Variants in VPS13B observed in about 807,000 individuals in gnomAD.
The protein encoded by VPS13B is vacuolar protein sorting 13 homolog B.
In VPS13B, 285 loss-of-function variants were observed where a neutral mutation model predicts 426.4. That is an observed-to-expected ratio of 0.67 (90% confidence interval 0.61 to 0.74). The LOEUF (loss-of-function observed/expected upper bound fraction) is 0.74, where lower values mean the gene tolerates loss of function less well. Ranked by LOEUF, VPS13B falls within the 30% of genes least tolerant of loss-of-function variation. VPS13B has a pLI of 0.00. For missense variants in VPS13B, 4,537 were observed against 4,782.6 expected (o/e 0.95, Z 1.51); for synonymous variants, 1,676 against 1,676.4 (o/e 1.00, Z 0.01).
In VPS13B at chr8:99,457,274, C is replaced by T. The variant is rs575397459; in HGVS notation, c.3446-10140C>T. Among the ~76,000 whole-genome samples, 45 of 152,146 alleles carry T rather than the reference C, an allele frequency of 3.0e-4. No homozygotes were observed. In the East Asian group the frequency reaches 7.9e-3, roughly 27 times the overall value. On this transcript the variant is annotated intron_variant, in intron 23 of 61. Coordinates refer to ENST00000357162, the MANE Select transcript of VPS13B (RefSeq NM_152564.5). Reference sequence around the variant, plus strand: ...CTTGAACTCCTGACTACAGATGGTCCGCCCGCTTTGGCCTCCCTAAGTGCT... The same window carrying T: ...CTTGAACTCCTGACTACAGATGGTCTGCCCGCTTTGGCCTCCCTAAGTGCT...
intron 4 of VPS13B, 48 bp downstream of exon 4, chr8:99,096,480 G>T: frequency 6.2e-7 from 1 of 1,609,810 alleles, no homozygotes; most frequent in Non-Finnish European, 8.5e-7. Flanking sequence ...TTTTGGCCGG[G>T]CATGGTGGCT....
intron 21 of VPS13B, among the ~76,000 whole-genome samples, chr8:99,394,424 G>A (rs1199946375): frequency 1.3e-5 from 2 of 152,184 alleles, no homozygotes; most frequent in Non-Finnish European, 2.9e-5. Flanking sequence ...GCTGGCTACA[G>A]GGGGACCTGT....
At chr8:99,438,755 G>GT (rs1016521271) in intron 22 of VPS13B, among the ~76,000 whole-genome samples, 3 of 152,224 alleles carry the variant, frequency 2.0e-5, no homozygotes, top group Admixed American at 2.0e-4. Context: ...TAGGAAAACT[G>GT]TGATTTGGGT....
At chr8:99,516,787 CAAAAAAAAAAAAAAAA>C (rs528490868) in intron 29 of VPS13B, among the ~76,000 whole-genome samples, 3 of 16,678 alleles carry the variant, frequency 1.8e-4, no homozygotes, top group Admixed American at 7.4e-4. Context: ...GACCGTGTCT[CAAAAAAAAAAAAAAAA>C]AAAAAAAAAA....
chr8:99,049,302 G>T (rs1226201498), intron 3 of VPS13B, among the ~76,000 whole-genome samples: 2 of 151,830 alleles, frequency 1.3e-5, no homozygotes, highest in South Asian at 2.1e-4. Context: ...ATGTTTCCAG[G>T]ATTTGTTTCA....
chr8:99,340,918 G>T (rs1811207423), intron 19 of VPS13B: 1 of 291,390 alleles, frequency 3.4e-6, no homozygotes, highest in Non-Finnish European at 7.2e-6. Flanking sequence ...GGTGTGGATG[G>T]ATTCAACAAA....
chr8:99,586,948 G>A (rs945524421), intron 33 of VPS13B, among the ~76,000 whole-genome samples: 2 of 151,988 alleles, frequency 1.3e-5, no homozygotes, highest in Non-Finnish European at 2.9e-5. Context: ...ATTTACGTTA[G>A]GTATTACTCC....
At chr8:99,671,328 G>A (rs1830709577) in intron 35 of VPS13B, among the ~76,000 whole-genome samples, 1 of 151,800 alleles carries the variant, frequency 6.6e-6, no homozygotes, top group Non-Finnish European at 1.5e-5. Flanking sequence ...TTAAAATTTG[G>A]TTCTTTGTCT....
intron 24 of VPS13B, among the ~76,000 whole-genome samples, chr8:99,480,792 G>A (rs1325479226): frequency 6.6e-6 from 1 of 152,018 alleles, no homozygotes; most frequent in Non-Finnish European, 1.5e-5. Flanking sequence ...TGTGTCCTGG[G>A]GCTGAAACTT....
At chr8:99,462,804 A>G (rs1026127292) in intron 23 of VPS13B, among the ~76,000 whole-genome samples, 2 of 152,166 alleles carry the variant, frequency 1.3e-5, no homozygotes, top group African/African-American at 4.8e-5. Context: ...GATGAAGAGG[A>G]AGAAATACCA....
chr8:99,776,583 C>T (rs1322537896), intron 40 of VPS13B, among the ~76,000 whole-genome samples, 192 bp from the exon 41 acceptor site: 1 of 152,168 alleles, frequency 6.6e-6, no homozygotes, highest in African/African-American at 2.4e-5. Context: ...GCATGAGCCA[C>T]TGCACCTGGC....
chr8:99,700,277 T>G (rs1832211300), intron 36 of VPS13B, among the ~76,000 whole-genome samples: 1 of 152,198 alleles, frequency 6.6e-6, no homozygotes, highest in South Asian at 2.1e-4. Flanking sequence ...AAGTGTGATC[T>G]CTGGACTAGC....
intron 3 of VPS13B, among the ~76,000 whole-genome samples, chr8:99,078,564 G>A (rs186506284): frequency 3.3e-5 from 5 of 152,158 alleles, no homozygotes; most frequent in African/African-American, 7.2e-5. Context: ...GATGGGCTGC[G>A]CATGACAGTC....
In VPS13B at chr8:99,285,731, A is replaced by T. The variant is rs530257659; in HGVS notation, c.2824+10477A>T. Among the ~76,000 whole-genome samples the T allele has an allele frequency of 3.3e-5, 5 of 152,288 alleles. No individual in the cohort carries two copies. In the East Asian group the frequency reaches 9.6e-4, roughly 29 times the overall value. On this transcript the variant is annotated intron_variant, in intron 19 of 61. Transcript: ENST00000357162. Reference sequence around the variant, plus strand: ...CTGTATAGTAGCTTTCATATAGGCCAAAAGAGGAGTTGCTTTATAAAACAC... The same window carrying T: ...CTGTATAGTAGCTTTCATATAGGCCTAAAGAGGAGTTGCTTTATAAAACAC...
At chr8:99,706,966 G>C (rs1832522696) in intron 36 of VPS13B, among the ~76,000 whole-genome samples, 1 of 152,142 alleles carries the variant, frequency 6.6e-6, no homozygotes, top group Non-Finnish European at 1.5e-5. Flanking sequence ...TGCTAGGAAA[G>C]CTTCTAGCAA....
rs1814284067 is a variant in VPS13B at position 99,820,241 on chromosome 8, A to C, written c.8994+119A>C. ...GTTGTGAAAAATTCTTCTTAGATGC[A>C]TATGTAAGAGGTATGGAATGTTCTT... On this transcript the variant is annotated intron_variant, in intron 49 of 61. Transcript: ENST00000357162. 27 of 926,152 alleles carry C rather than the reference A, an allele frequency of 2.9e-5. No homozygotes were observed. In the South Asian group the frequency reaches 3.3e-4, roughly 11 times the overall value. 57.4% of individuals were successfully genotyped at this position (926,152 alleles called of 1,614,324 possible).
At chr8:99,187,821 A>G (rs1813303167) in intron 16 of VPS13B, among the ~76,000 whole-genome samples, 1 of 152,074 alleles carries the variant, frequency 6.6e-6, no homozygotes, top group Non-Finnish European at 1.5e-5. Context: ...AATAAAAATT[A>G]GCCGGGCATG....
At chr8:99,677,159 T>C (rs1830972945) in intron 35 of VPS13B, among the ~76,000 whole-genome samples, 1 of 152,222 alleles carries the variant, frequency 6.6e-6, no homozygotes, top group South Asian at 2.1e-4. Flanking sequence ...AATTTATTTC[T>C]GTTCATCTTA....
chr8:99,317,715 A>G (rs1809750997), intron 19 of VPS13B, among the ~76,000 whole-genome samples: 1 of 152,118 alleles, frequency 6.6e-6, no homozygotes, highest in Non-Finnish European at 1.5e-5. Flanking sequence ...AATAATAATA[A>G]TAAAAAAGGC....
Sources: gnomAD v4.1 joint callset for allele counts (sites outside exome capture counted in the v4.1 genomes callset) on GRCh38, gnomAD v4.1.1 for gene constraint, MANE v1.5 for transcripts, NCBI Gene and HGNC (gene_info 2026-07-23, HGNC 2026-07-21) for gene names.